The following NOX5 variants were observed in gnomAD, a reference collection of about 807,000 sequenced individuals.
The protein encoded by NOX5 is NADPH oxidase 5.
A neutral mutation model predicts 85.7 loss-of-function variants in NOX5; 76 were observed. That is an observed-to-expected ratio of 0.89 (90% confidence interval 0.74 to 1.07). The LOEUF is 1.07. Among genes scored for constraint, NOX5 ranks in the 50% least tolerant of loss-of-function variants. The probability of loss-of-function intolerance (pLI) is 0.00; values close to 1 mark genes in which losing one functional copy is unlikely to be tolerated. For missense variants in NOX5, 973 were observed against 999.5 expected (o/e 0.97, Z 0.36); for synonymous variants, 405 against 401.4 (o/e 1.01, Z -0.11).
chr15:69,019,304 A>C (rs2050269487), intron 1 of NOX5, among the ~76,000 whole-genome samples: 1 of 152,214 alleles, frequency 6.6e-6, no homozygotes, highest in African/African-American at 2.4e-5. Flanking sequence ...GGAGGGATGT[A>C]GGTGTGGCTG....
chr15:69,028,352 G>C lies in NOX5; in HGVS notation c.312G>C (p.Val104=), dbSNP rs766727997. ...ACAAACTCAAATTCCTCTTCCAGGTGTATGACATCGATGGTAAGGGCTCTT... is the reference window on the plus strand; with the variant it reads ...ACAAACTCAAATTCCTCTTCCAGGTCTATGACATCGATGGTAAGGGCTCTT... ...PMDKLKFLFQ[V]YDIDVCARQG... is the part of the protein sequence containing the mutation. The change falls in exon 3 of 16, where the codon GTG becomes GTC. Residue 104 remains valine (V), a synonymous_variant. Transcript: ENST00000388866. 1 of 1,604,842 alleles carries C rather than the reference G, an allele frequency of 6.2e-7. No individual in the cohort carries two copies. The highest frequency in any genetic ancestry group is 8.5e-7 in the Non-Finnish European group (1 of 1,174,950).
chr15:69,056,820 CT>C lies in NOX5; in HGVS notation c.*125del. 1 of 1,225,330 alleles carries C rather than the reference CT, an allele frequency of 8.2e-7. No individual in the cohort carries two copies. Among genetic ancestry groups the C allele is most frequent in the South Asian group, 1.6e-5 (1 of 63,832 alleles). 75.9% of individuals were successfully genotyped at this position (1,225,330 alleles called of 1,614,324 possible). ...CAATAAGACAAAGCCTAGGGACCCC[CT>C]AATCCTGCTCAACAGAGAGAACAGG... is the stretch of plus-strand genomic sequence containing the variant. On this transcript the variant is annotated 3_prime_UTR_variant, in exon 16 of 16. Transcript: ENST00000388866.
rs768850310 is a variant in NOX5, at chr15:69,046,888, C to T, written c.1692+22C>T. 3.3e-5 allele frequency: 53 copies of T among 1,612,556 alleles called. No homozygotes were observed. In the South Asian group the frequency reaches 3.3e-4, roughly 10 times the overall value. ...CAAGGTGAGAGGCTGCAGGGGTGGA[C>T]GTGAGCAATAATGCCTGCCCCAACC... On this transcript the variant is annotated intron_variant, in intron 11 of 15. Transcript: ENST00000388866.
intron 14 of NOX5, among the ~76,000 whole-genome samples, chr15:69,050,032 T>C (rs1386908501): frequency 6.6e-6 from 1 of 152,216 alleles, no homozygotes. Context: ...CTGCTTTCTA[T>C]CACTACAATT....
At chr15:69,035,678 C>A in intron 6 of NOX5, 80 bp from the exon 7 acceptor site, 1 of 1,575,644 alleles carries the variant, frequency 6.3e-7, no homozygotes, top group Non-Finnish European at 8.6e-7. Context: ...TCTGATGGTG[C>A]AGGGTGGGGA....
Position 69,033,264 on chromosome 15 carries a change from G to T in NOX5, c.842G>T (p.Cys281Phe). The T allele has an allele frequency of 6.3e-7, 1 of 1,594,924 alleles. No homozygotes were observed. The highest frequency in any genetic ancestry group is 8.5e-7 in the Non-Finnish European group (1 of 1,178,518). ...KGCGQCLNFD[C>F]SFIAVLMLRR... Reference sequence around the variant, plus strand: ...TGCGGCCAGTGCCTCAACTTCGACTGCAGCTTCATCGCGGTAGGCTCTGCC... The same window carrying T: ...TGCGGCCAGTGCCTCAACTTCGACTTCAGCTTCATCGCGGTAGGCTCTGCC... Residue 281 changes from cysteine to phenylalanine, a missense_variant, in exon 5 of 16, where the codon TGC becomes TTC. Physicochemically the swap from Cys to Phe is radical, Grantham distance 205. Coordinates refer to ENST00000388866, the MANE Select transcript of NOX5 (RefSeq NM_024505.4).
At chr15:69,017,278 A>G (rs142007807) in intron 1 of NOX5, among the ~76,000 whole-genome samples, 1,685 of 152,022 alleles carry the variant, frequency 0.011, 35 homozygotes, top group African/African-American at 0.039. Context: ...CAGCCTCCCA[A>G]GTAGTTGGGA....
chr15:69,028,116 C>G, intron 2 of NOX5, 99 bp from the exon 3 acceptor site: 2 of 1,320,132 alleles, frequency 1.5e-6, no homozygotes, highest in Non-Finnish European at 2.1e-6. Flanking sequence ...TGTGGTGCAC[C>G]CCCCCACCAC....
Position 69,038,879 on chromosome 15 carries a change from G to T in NOX5, c.1394G>T (p.Arg465Leu), listed in dbSNP as rs117880022. 28 of 1,613,954 alleles carry T rather than the reference G, an allele frequency of 1.7e-5. No individual in the cohort carries two copies. Among genetic ancestry groups the T allele is most frequent in the Non-Finnish European group, 8.5e-7 (1 of 1,180,026 alleles). ...PSKVTHLLIK[R>L]PPFFHYRPGD... Reference sequence around the variant, plus strand: ...CAGGTCACTCATCTCCTCATCAAGCGGCCCCCTTTTTTTCACTATAGACCT... The same window carrying T: ...CAGGTCACTCATCTCCTCATCAAGCTGCCCCCTTTTTTTCACTATAGACCT... Residue 465 changes from arginine (R) to leucine (L), a missense_variant, in exon 9 of 16, where the codon CGG becomes CTG. Arg to Leu is a moderately radical substitution (Grantham distance 102). Transcript: ENST00000388866.
chr15:69,042,872 T>C (rs2050613818), intron 10 of NOX5, 67 bp downstream of exon 10: 1 of 1,527,096 alleles, frequency 6.5e-7, no homozygotes, highest in Middle Eastern at 1.8e-4. Context: ...GTTGCCTCCT[T>C]CTTCTCAGTG....
In NOX5 at chr15:69,028,295, ACTGACCCT is replaced by A. The variant is rs761976844; in HGVS notation, c.256_263del (p.Leu86AlafsTer18). ...TCACCCTCCAGGAGCTGCAGGAGGC[ACTGACCCT>A]GCTCATCCATGGCAGCCCCATGGAC... On this transcript the variant is annotated frameshift_variant, in exon 3 of 16. Coordinates refer to ENST00000388866, the MANE Select transcript of NOX5 (RefSeq NM_024505.4). LOFTEE classifies it high-confidence loss of function. 5 of 1,613,536 alleles carry A rather than the reference ACTGACCCT, an allele frequency of 3.1e-6. No homozygotes were observed. The highest frequency in any genetic ancestry group is 4.2e-6 in the Non-Finnish European group (5 of 1,179,752).
Position 69,031,741 on chromosome 15 carries a change from G to T in NOX5, c.549G>T (p.Gly183=). ...AATCGGCCGACGCGGACGGCAACGGGGCCATCACCTTCGAGGAGCTCCGGG... is the reference window on the plus strand; with the variant it reads ...AATCGGCCGACGCGGACGGCAACGGTGCCATCACCTTCGAGGAGCTCCGGG... ...LFESADADGN[G]AITFEELRDE... Residue 183 remains glycine, a synonymous_variant, in exon 4 of 16, where the codon GGG becomes GGT. Coordinates refer to ENST00000388866, the MANE Select transcript of NOX5 (RefSeq NM_024505.4). 1 of 1,612,628 alleles carries T rather than the reference G, an allele frequency of 6.2e-7. No individual in the cohort carries two copies. Among genetic ancestry groups the T allele is most frequent in the South Asian group, 1.1e-5 (1 of 91,002 alleles).
At position 69,057,597 on chromosome 15, in the gene NOX5, C is replaced by G. The variant is rs1046763638; in HGVS notation, c.*901C>G. 1 of 152,240 alleles carries G rather than the reference C, an allele frequency of 6.6e-6. No homozygotes were observed. The highest frequency in any genetic ancestry group is 1.5e-5 in the Non-Finnish European group (1 of 68,094). The allele number at this position is 152,240 out of a possible 1,614,324, so 9.4% of individuals were successfully genotyped here. On this transcript the variant is annotated 3_prime_UTR_variant, in exon 16 of 16. Transcript: ENST00000388866. ...AGACAGCCTCTTTGTGTGCCTCTCT[C>G]TGTCGTGGAAAGGCCAAGTGCCTGG...
At position 69,028,204 on chromosome 15, in the gene NOX5, C is replaced by G; in HGVS notation, c.175-11C>G. ...CACAGTTGTGCTGTCTTCCACCCTT[C>G]TCGCCCACAGTCCTTCTTTGCAGAG... On this transcript the variant is annotated splice_polypyrimidine_tract_variant and intron_variant, in intron 2 of 15. Transcript: ENST00000388866. 1 of 1,587,918 alleles carries G rather than the reference C, an allele frequency of 6.3e-7. No homozygotes were observed. The highest frequency in any genetic ancestry group is 8.6e-7 in the Non-Finnish European group (1 of 1,166,738).
chr15:69,043,147 G>T (rs2050617541), intron 10 of NOX5, among the ~76,000 whole-genome samples: 1 of 152,186 alleles, frequency 6.6e-6, no homozygotes, highest in African/African-American at 2.4e-5. Flanking sequence ...CTATAAAATA[G>T]AAGTCGTTTC....
intron 14 of NOX5, among the ~76,000 whole-genome samples, chr15:69,053,113 C>T (rs930353386): frequency 1.1e-4 from 16 of 152,306 alleles, no homozygotes; most frequent in African/African-American, 3.6e-4. Context: ...TTTAATTATA[C>T]GTCAAGGTTT....
chr15:69,020,217 A>G (rs2050280691), intron 1 of NOX5, among the ~76,000 whole-genome samples: 1 of 152,146 alleles, frequency 6.6e-6, no homozygotes, highest in Admixed American at 6.6e-5. Flanking sequence ...TGACCATTCC[A>G]TCATGCTTAT....
chr15:69,061,030 A>C lies in NOX5; in HGVS notation c.*4334A>C, dbSNP rs2050866603. 1 of 152,208 alleles carries C rather than the reference A, an allele frequency of 6.6e-6. No homozygotes were observed. Among genetic ancestry groups the C allele is most frequent in the Non-Finnish European group, 1.5e-5 (1 of 68,034 alleles). 9.4% of individuals were successfully genotyped at this position (152,208 alleles called of 1,614,324 possible). A position where few individuals can be genotyped will look rare whatever the true frequency, so the allele number is the denominator to read the frequency against. On this transcript the variant is annotated 3_prime_UTR_variant, in exon 16 of 16. Transcript: ENST00000388866. ...AGGAGGACTTGAATGTTTTCCTCTT[A>C]TCTGTTTCCTGTATTTGTGTGTTAC...
chr15:69,017,775 T>TACACACAC (rs35677555), intron 1 of NOX5, among the ~76,000 whole-genome samples: 3 of 146,838 alleles, frequency 2.0e-5, no homozygotes, highest in African/African-American at 7.5e-5. Flanking sequence ...ATATATTTTA[T>TACACACAC]ACACACACAC....
Sources: gnomAD v4.1 joint callset for allele counts (sites outside exome capture counted in the v4.1 genomes callset) on GRCh38, gnomAD v4.1.1 for gene constraint, MANE v1.5 for transcripts, NCBI Gene and HGNC (gene_info 2026-07-23, HGNC 2026-07-21) for gene names.